The following PDZRN3 variants were observed in gnomAD, a reference collection of about 807,000 sequenced individuals.
The protein encoded by PDZRN3 is E3 ubiquitin-protein ligase PDZRN3.
A neutral mutation model predicts 85.7 loss-of-function variants in PDZRN3; 38 were observed. The observed-to-expected ratio is 0.44, with a 90% CI of 0.34 to 0.58. The LOEUF is 0.58. PDZRN3 is among the 20% of genes least tolerant of loss of function. The pLI is 0.01. For synonymous variants in PDZRN3, 759 were observed against 638.0 expected, an observed-to-expected ratio of 1.19 and a Z score of -2.86; for missense variants, 1,629 against 1,506.4, an observed-to-expected ratio of 1.08 and a Z score of -1.35.
Position 73,389,827 on chromosome 3 carries a change from G to A in PDZRN3, c.1405C>T (p.Arg469Cys), listed in dbSNP as rs1701483102. The change falls in exon 7 of 10, where the codon CGC becomes TGC. Residue 469 changes from arginine to cysteine, a missense_variant. Physicochemically the swap from Arg to Cys is radical, Grantham distance 180. Transcript: ENST00000263666. The stretch of plus-strand genomic sequence containing the variant: ...GGAAGTGGACTTACCTGGATAATGC[G>A]GTCTCCTTCTCGGATGCGCCCATCC... ...AKDGRIREGD[R>C]IIQINGIEVQ... 3 of 1,612,168 alleles carry A rather than the reference G, an allele frequency of 1.9e-6. No individual in the cohort carries two copies. Among genetic ancestry groups the A allele is most frequent in the Non-Finnish European group, 2.5e-6 (3 of 1,178,330 alleles).
intron 3 of PDZRN3, among the ~76,000 whole-genome samples, chr3:73,469,239 A>C (rs1434150835): frequency 3.3e-5 from 5 of 151,914 alleles, no homozygotes; most frequent in Non-Finnish European, 5.9e-5. Flanking sequence ...TGCCCAGATA[A>C]TTTTTGTATC....
At chr3:73,456,152 T>C (rs544154278) in intron 3 of PDZRN3, among the ~76,000 whole-genome samples, 1 of 152,128 alleles carries the variant, frequency 6.6e-6, no homozygotes, top group Admixed American at 6.5e-5. Flanking sequence ...TACGTATAAA[T>C]GTTGACGTCT....
At chr3:73,515,320 C>T (rs1216694414) in intron 3 of PDZRN3, among the ~76,000 whole-genome samples, 1 of 152,012 alleles carries the variant, frequency 6.6e-6, no homozygotes, top group Non-Finnish European at 1.5e-5. Flanking sequence ...GGACTACAGG[C>T]ACCCGCTACC....
At chr3:73,466,335 G>A (rs9856998) in intron 3 of PDZRN3, among the ~76,000 whole-genome samples, 5,424 of 90,574 alleles carry the variant, frequency 0.06, 327 homozygotes, top group African/African-American at 0.28. Context: ...AAAAAAAAAA[G>A]GGGGGGCCCT....
In PDZRN3 at chr3:73,532,011, T is replaced by A. The variant is rs184455265; in HGVS notation, c.918+70343A>T. Among the ~76,000 whole-genome samples, 5 of 151,978 alleles carry A rather than the reference T, an allele frequency of 3.3e-5. No homozygotes were observed. The East Asian group carries it at 5.8e-4, about 18-fold the overall frequency. Reference sequence around the variant, plus strand: ...GAATCATTGGCAACAAATTCCAAACTTTTTTTTTGAGACGGAGTCTCGCTC... The same window carrying A: ...GAATCATTGGCAACAAATTCCAAACATTTTTTTTGAGACGGAGTCTCGCTC... On this transcript the variant is annotated intron_variant, in intron 3 of 9. Transcript: ENST00000263666.
chr3:73,522,827 C>CT (rs1411637389), intron 3 of PDZRN3, among the ~76,000 whole-genome samples: 1 of 152,092 alleles, frequency 6.6e-6, no homozygotes, highest in Admixed American at 6.5e-5. Flanking sequence ...ATATGAATTA[C>CT]TTGTATCAGT....
intron 3 of PDZRN3, among the ~76,000 whole-genome samples, chr3:73,594,405 G>A (rs924135576): frequency 6.6e-6 from 1 of 152,112 alleles, no homozygotes; most frequent in African/African-American, 2.4e-5. Flanking sequence ...TTAAGTTCTC[G>A]TATCCTGTAC....
chr3:73,464,693 T>C (rs1260354517), intron 3 of PDZRN3, among the ~76,000 whole-genome samples: 1 of 152,148 alleles, frequency 6.6e-6, no homozygotes, highest in Non-Finnish European at 1.5e-5. Flanking sequence ...GAAAAAAAGG[T>C]GTCTCTTTTT....
At chr3:73,389,238 CAA>C (rs1050065465) in intron 7 of PDZRN3, among the ~76,000 whole-genome samples, 5 of 151,902 alleles carry the variant, frequency 3.3e-5, no homozygotes, top group Admixed American at 6.6e-5. Flanking sequence ...AGGTTGTAGC[CAA>C]AAGAGACATG....
At chr3:73,455,369 C>T (rs886600111) in intron 3 of PDZRN3, among the ~76,000 whole-genome samples, 8 of 152,188 alleles carry the variant, frequency 5.3e-5, no homozygotes, top group Non-Finnish European at 1.2e-4. Context: ...CAGAATTAAA[C>T]CTCAGTTGAC....
intron 3 of PDZRN3, among the ~76,000 whole-genome samples, chr3:73,527,011 G>A (rs1331441136): frequency 6.6e-6 from 1 of 152,092 alleles, no homozygotes; most frequent in African/African-American, 2.4e-5. Flanking sequence ...ACCACCCCCA[G>A]CTAATTTTTT....
At chr3:73,596,076 T>C (rs530795288) in intron 3 of PDZRN3, among the ~76,000 whole-genome samples, 3 of 152,198 alleles carry the variant, frequency 2.0e-5, no homozygotes, top group African/African-American at 7.2e-5. Flanking sequence ...TGGAGTATCT[T>C]GTGCCAGGAA....
At chr3:73,386,059 C>T (rs3845869) in intron 8 of PDZRN3, among the ~76,000 whole-genome samples, 50,403 of 151,292 alleles carry the variant, frequency 0.33, 11,561 homozygotes, top group African/African-American at 0.66. Flanking sequence ...TCTCAGCTAC[C>T]TTCAGTGCAG....
intron 2 of PDZRN3, among the ~76,000 whole-genome samples, chr3:73,603,841 T>TAG (rs1264834616): frequency 1.4e-5 from 2 of 147,938 alleles, no homozygotes; most frequent in African/African-American, 5.2e-5. Context: ...TTCTCAGTCC[T>TAG]TCTCTCCTTC....
At chr3:73,519,394 G>T (rs983681752) in intron 3 of PDZRN3, among the ~76,000 whole-genome samples, 1 of 152,180 alleles carries the variant, frequency 6.6e-6, no homozygotes, top group Non-Finnish European at 1.5e-5. Flanking sequence ...TCAGAATAGA[G>T]TCTAAAAGCG....
chr3:73,610,113 C>T (rs1333642017), intron 1 of PDZRN3, among the ~76,000 whole-genome samples: 1 of 152,178 alleles, frequency 6.6e-6, no homozygotes, highest in Admixed American at 6.5e-5. Flanking sequence ...TGAGCCTCAA[C>T]ATCAATTAGA....
chr3:73,474,450 C>T, intron 3 of PDZRN3: 2 of 1,276,202 alleles, frequency 1.6e-6, no homozygotes, highest in Non-Finnish European at 2.0e-6. Context: ...GCAGATTAAA[C>T]TCACCAAATA....
chr3:73,501,779 C>G (rs928986297), intron 3 of PDZRN3, among the ~76,000 whole-genome samples: 1 of 152,150 alleles, frequency 6.6e-6, no homozygotes, highest in African/African-American at 2.4e-5. Flanking sequence ...CTTTCAGAGG[C>G]TGAGGCGGGC....
intron 3 of PDZRN3, among the ~76,000 whole-genome samples, chr3:73,419,871 T>C (rs770919160): frequency 1.3e-5 from 2 of 152,242 alleles, no homozygotes; most frequent in Non-Finnish European, 2.9e-5. Flanking sequence ...TTTGAAAATA[T>C]GTTCCCTTCA....
Sources: gnomAD v4.1 joint callset for allele counts (sites outside exome capture counted in the v4.1 genomes callset) on GRCh38, gnomAD v4.1.1 for gene constraint, MANE v1.5 for transcripts, NCBI Gene and HGNC (gene_info 2026-07-23, HGNC 2026-07-21) for gene names.